RAD51B: variants seen among roughly 807,000 people sequenced by gnomAD.
RAD51B encodes the protein RAD51 paralog B.
Under a neutral mutation model 42.2 loss-of-function variants are expected in RAD51B, and 38 were observed. The observed-to-expected ratio is 0.90, with a 90% confidence interval of 0.70 to 1.18. RAD51B has a LOEUF of 1.18. Ranked by LOEUF, RAD51B falls within the 50% of genes most tolerant of loss-of-function variation. The pLI is 0.00. For missense variants in RAD51B, 373 were observed against 400.7 expected, an observed-to-expected ratio of 0.93 and a Z score of 0.59; for synonymous variants, 154 against 145.2, an observed-to-expected ratio of 1.06 and a Z score of -0.43.
intron 2 of RAD51B, 139 bp downstream of exon 2, chr14:67,823,766 G>A: frequency 1.6e-6 from 1 of 629,536 alleles, no homozygotes. Flanking sequence ...TAGGCTAATT[G>A]TAAATATCAA....
At position 68,193,747 on chromosome 14, in the gene RAD51B, CAAGTT is replaced by C. The variant is rs2079311933; in HGVS notation, c.757-98136_757-98132del. Among the ~76,000 whole-genome samples the C allele has an allele frequency of 3.9e-5, 6 of 152,320 alleles. No individual in the cohort carries two copies. In the South Asian group the frequency reaches 1.2e-3, roughly 32 times the overall value. ...ATTCACCAGTCTGTTTTGACCAAGT[CAAGTT>C]GAGGCAAGAATGCTGGGAACAAGCT... is the stretch of plus-strand genomic sequence containing the variant. On this transcript the variant is annotated intron_variant, in intron 7 of 10. Transcript: ENST00000471583.
chr14:67,903,265 T>C (rs1464288328), intron 7 of RAD51B, among the ~76,000 whole-genome samples: 1 of 152,196 alleles, frequency 6.6e-6, no homozygotes, highest in Non-Finnish European at 1.5e-5. Context: ...TGAGAAGTTA[T>C]TCTGAAAAAT....
At chr14:68,159,669 ATTTTAGT>A (rs1272656473) in intron 7 of RAD51B, among the ~76,000 whole-genome samples, 4 of 151,912 alleles carry the variant, frequency 2.6e-5, no homozygotes, top group South Asian at 2.1e-4. Flanking sequence ...GAACACAGAC[ATTTTAGT>A]TTTTCATACT....
intron 7 of RAD51B, among the ~76,000 whole-genome samples, chr14:68,039,060 G>A (rs1303646076): frequency 3.3e-5 from 5 of 152,092 alleles, no homozygotes; most frequent in East Asian, 1.9e-4. Flanking sequence ...AACCAATCAG[G>A]GGCTGATTTA....
At chr14:68,648,016 TATATACGTATATATATATATAC>T (rs1892597411) in intron 10 of RAD51B, among the ~76,000 whole-genome samples, 1 of 90,434 alleles carries the variant, frequency 1.1e-5, no homozygotes, top group Non-Finnish European at 2.2e-5. Context: ...TATATATATA[TATATACGTATATATATATATAC>T]ACACGTATAT....
chr14:68,553,274 A>G (rs1227557356), intron 10 of RAD51B, among the ~76,000 whole-genome samples: 1 of 152,204 alleles, frequency 6.6e-6, no homozygotes, highest in Non-Finnish European at 1.5e-5. Context: ...TTATCCATAA[A>G]TCTTTTGGGA....
intron 7 of RAD51B, among the ~76,000 whole-genome samples, chr14:68,068,012 T>G (rs1400516168): frequency 6.6e-6 from 1 of 151,090 alleles, no homozygotes; most frequent in African/African-American, 2.4e-5. Context: ...AGAATGGGTC[T>G]GATTTCAACA....
At chr14:68,469,465 A>G (rs2086068453) in intron 10 of RAD51B, among the ~76,000 whole-genome samples, 1 of 152,238 alleles carries the variant, frequency 6.6e-6, no homozygotes, top group African/African-American at 2.4e-5. Flanking sequence ...TTGGGGTGAG[A>G]ACTACGACCT....
chr14:68,171,161 GACTT>G (rs1265494238), intron 7 of RAD51B, among the ~76,000 whole-genome samples: 1 of 152,112 alleles, frequency 6.6e-6, no homozygotes, highest in African/African-American at 2.4e-5. Context: ...AAGAATTTCT[GACTT>G]ACTTGATCTG....
At chr14:68,090,481 C>G (rs2077072583) in intron 7 of RAD51B, among the ~76,000 whole-genome samples, 1 of 151,920 alleles carries the variant, frequency 6.6e-6, no homozygotes, top group Admixed American at 6.6e-5. Flanking sequence ...GACTTAGGGC[C>G]TTGGTTTGTA....
At chr14:68,451,127 G>A (rs1359738106) in intron 9 of RAD51B, among the ~76,000 whole-genome samples, 1 of 152,174 alleles carries the variant, frequency 6.6e-6, no homozygotes, top group Non-Finnish European at 1.5e-5. Flanking sequence ...TGTTAAGTAG[G>A]TAGACTGCCT....
intron 9 of RAD51B, among the ~76,000 whole-genome samples, chr14:68,452,075 C>T (rs566627321): frequency 6.6e-6 from 1 of 152,318 alleles, no homozygotes; most frequent in Admixed American, 6.5e-5. Context: ...CAGGAGGACC[C>T]AGCTCTGTTT....
chr14:68,609,443 C>G (rs552166055), intron 10 of RAD51B, among the ~76,000 whole-genome samples: 1 of 152,266 alleles, frequency 6.6e-6, no homozygotes, highest in African/African-American at 2.4e-5. Flanking sequence ...CTCTCACCCC[C>G]CTCAGAGCTC....
At chr14:68,261,720 C>T (rs1054046430) in intron 7 of RAD51B, among the ~76,000 whole-genome samples, 1 of 152,062 alleles carries the variant, frequency 6.6e-6, no homozygotes, top group African/African-American at 2.4e-5. Context: ...TAAGATGTAA[C>T]CCTCTATATT....
At chr14:67,836,857 C>G (rs1956346) in intron 4 of RAD51B, among the ~76,000 whole-genome samples, 56,643 of 152,012 alleles carry the variant, frequency 0.37, 11,300 homozygotes, top group African/African-American at 0.5. Flanking sequence ...GTGGTGACTT[C>G]ATAGACAATG....
chr14:67,865,958 C>T (rs540805827), intron 5 of RAD51B, among the ~76,000 whole-genome samples: 12 of 152,250 alleles, frequency 7.9e-5, no homozygotes, highest in South Asian at 4.1e-4. Flanking sequence ...AAAAAGATGA[C>T]GAGTCACTGG....
chr14:68,556,872 C>CTTCT (rs1888875093), intron 10 of RAD51B, among the ~76,000 whole-genome samples: 1 of 152,150 alleles, frequency 6.6e-6, no homozygotes, highest in Non-Finnish European at 1.5e-5. Context: ...ACCACCCCAC[C>CTTCT]CCACCTTCTC....
chr14:68,566,839 A>T, intron 10 of RAD51B, among the ~76,000 whole-genome samples: 1 of 151,984 alleles, frequency 6.6e-6, no homozygotes, highest in East Asian at 1.9e-4. Flanking sequence ...TCTGGCCCCA[A>T]CTTGCCTATC....
intron 4 of RAD51B, 95 bp from the exon 5 acceptor site, chr14:67,864,908 C>CAAAGTCTTAA: frequency 7.1e-7 from 1 of 1,413,326 alleles, no homozygotes; most frequent in Non-Finnish European, 9.3e-7. Context: ...GCATATATGG[C>CAAAGTCTTAA]AAAGTCTTAA....
Sources: allele counts gnomAD v4.1 joint callset (sites outside exome capture counted in the v4.1 genomes callset), GRCh38; gene constraint gnomAD v4.1.1; transcripts MANE v1.5; gene names NCBI Gene and HGNC (gene_info 2026-07-23, HGNC 2026-07-21).